CLASP1: variants seen among roughly 807,000 people sequenced by gnomAD.
CLASP1 encodes cytoplasmic linker associated protein 1.
In CLASP1, 38 loss-of-function variants were observed where a neutral mutation model predicts 192.3. The observed-to-expected ratio is 0.20, with a 90% CI of 0.15 to 0.26. The LOEUF is 0.26. CLASP1 is among the 10% of genes least tolerant of loss of function. The pLI, the probability that CLASP1 is intolerant of heterozygous loss-of-function variation, is 1.00. For missense variants in CLASP1, 1,433 were observed against 1,932.5 expected (o/e 0.74, Z 4.85); for synonymous variants, 691 against 712.8 (o/e 0.97, Z 0.49).
At chr2:121,643,162 G>A (rs1436412036) in intron 1 of CLASP1, among the ~76,000 whole-genome samples, 1 of 152,136 alleles carries the variant, frequency 6.6e-6, no homozygotes, top group Non-Finnish European at 1.5e-5. Flanking sequence ...TTCCCCAAAA[G>A]ATCAATCTTA....
At chr2:121,604,662 G>A (rs1031612471) in intron 2 of CLASP1, among the ~76,000 whole-genome samples, 4 of 151,898 alleles carry the variant, frequency 2.6e-5, no homozygotes, top group African/African-American at 9.7e-5. Context: ...AGCAAGACTC[G>A]GTCTAAAAAA....
At position 121,389,492 on chromosome 2, in the gene CLASP1, A is replaced by AG. The variant is rs572795470; in HGVS notation, c.3124-1587_3124-1586insC. Among the ~76,000 whole-genome samples, 316 of 152,222 alleles carry AG rather than the reference A, an allele frequency of 2.1e-3. 1 individual carries two copies. The highest frequency in any genetic ancestry group is 7.3e-3 in the African/African-American group (303 of 41,510). On this transcript the variant is annotated intron_variant, in intron 30 of 39. Coordinates refer to ENST00000263710, the Ensembl canonical transcript of CLASP1. ...CATTGTATTAGGTGTTAGAAAAAAA[A>AG]AAAACAATGCATGCAGAAAAATAAT...
At chr2:121,377,531 T>C (rs1450669600) in exon 34 of CLASP1, 14 of 1,605,100 alleles carry the variant, frequency 8.7e-6, no homozygotes, top group Middle Eastern at 1.6e-4. Context: ...TCTCGTTTAA[T>C]TGGCTCATTC....
chr2:121,631,158 CAAAAAAAAAAAA>C (rs869087192), intron 1 of CLASP1, among the ~76,000 whole-genome samples: 21 of 65,164 alleles, frequency 3.2e-4, no homozygotes, highest in African/African-American at 9.5e-4. Flanking sequence ...GACTCCAGCT[CAAAAAAAAAAAA>C]AAAAAAAAAA....
intron 2 of CLASP1, among the ~76,000 whole-genome samples, chr2:121,543,246 T>C (rs975585309): frequency 3.3e-5 from 5 of 152,070 alleles, no homozygotes; most frequent in African/African-American, 1.2e-4. Flanking sequence ...CTCTTAAAGC[T>C]CCAGTCACTT....
At chr2:121,560,647 C>T (rs2058994045) in intron 2 of CLASP1, among the ~76,000 whole-genome samples, 1 of 152,218 alleles carries the variant, frequency 6.6e-6, no homozygotes, top group Non-Finnish European at 1.5e-5. Context: ...AGGGGTATCA[C>T]ATCAGTACCA....
chr2:121,589,647 A>C (rs903846355), intron 2 of CLASP1, among the ~76,000 whole-genome samples: 9 of 151,002 alleles, frequency 6.0e-5, no homozygotes, highest in East Asian at 1.9e-4. Context: ...AAAAAAAAAA[A>C]ACACACTATT....
intron 37 of CLASP1, among the ~76,000 whole-genome samples, chr2:121,349,246 A>AAAAAG (rs571327467): frequency 2.2e-4 from 34 of 151,968 alleles, no homozygotes; most frequent in East Asian, 1.5e-3. Flanking sequence ...TCTCAAAAAA[A>AAAAAG]AAAAGAAAAG....
chr2:121,351,646 A>G (rs534490466), intron 37 of CLASP1, among the ~76,000 whole-genome samples: 2 of 152,294 alleles, frequency 1.3e-5, no homozygotes, highest in Non-Finnish European at 2.9e-5. Context: ...CACCACATCC[A>G]TCACCACGTA....
intron 37 of CLASP1, among the ~76,000 whole-genome samples, chr2:121,357,676 GCCA>G (rs1370826855): frequency 2.6e-5 from 4 of 152,156 alleles, no homozygotes; most frequent in African/African-American, 9.7e-5. Context: ...AGGAGCAGCC[GCCA>G]CCACAGCTGC....
chr2:121,400,912 T>A (rs1330751219), intron 28 of CLASP1, among the ~76,000 whole-genome samples: 1 of 152,222 alleles, frequency 6.6e-6, no homozygotes, highest in East Asian at 1.9e-4. Flanking sequence ...ACTTTCATAC[T>A]TGCATATTGA....
At chr2:121,606,783 C>T (rs1278061225) in intron 1 of CLASP1, among the ~76,000 whole-genome samples, 3 of 152,220 alleles carry the variant, frequency 2.0e-5, no homozygotes, top group Admixed American at 6.5e-5. Context: ...AGGAGGTGGG[C>T]GCAGTGGCTC....
chr2:121,553,800 T>C (rs2058263608), intron 2 of CLASP1, among the ~76,000 whole-genome samples: 1 of 152,218 alleles, frequency 6.6e-6, no homozygotes, highest in African/African-American at 2.4e-5. Context: ...TGCATAATTA[T>C]GAAATACTGT....
intron 1 of CLASP1, among the ~76,000 whole-genome samples, chr2:121,637,375 A>G (rs1419783838): frequency 6.6e-6 from 1 of 152,194 alleles, no homozygotes; most frequent in East Asian, 1.9e-4. Flanking sequence ...TTGGTCTTCA[A>G]CAAATGGTAC....
chr2:121,438,617 T>C (rs1397711876), intron 19 of CLASP1, among the ~76,000 whole-genome samples: 1 of 152,302 alleles, frequency 6.6e-6, no homozygotes, highest in Non-Finnish European at 1.5e-5. Context: ...GCTCTGTTTA[T>C]ATGCTGGATT....
intron 2 of CLASP1, among the ~76,000 whole-genome samples, chr2:121,604,287 C>T (rs901404994): frequency 1.7e-4 from 26 of 152,186 alleles, no homozygotes; most frequent in African/African-American, 6.3e-4. Context: ...CCATCCAGCA[C>T]CAATGCCAAA....
intron 2 of CLASP1, among the ~76,000 whole-genome samples, chr2:121,550,645 G>A (rs962617928): frequency 6.6e-6 from 1 of 152,132 alleles, no homozygotes; most frequent in Non-Finnish European, 1.5e-5. Flanking sequence ...GCCTGGAAGA[G>A]ATGAATTAAT....
chr2:121,493,397 A>G (rs2093400828), intron 8 of CLASP1, among the ~76,000 whole-genome samples: 1 of 152,212 alleles, frequency 6.6e-6, no homozygotes. Flanking sequence ...CACACTGGGG[A>G]AAGGACAGTC....
chr2:121,591,468 G>C (rs527638175), intron 2 of CLASP1, among the ~76,000 whole-genome samples: 1 of 152,154 alleles, frequency 6.6e-6, no homozygotes, highest in African/African-American at 2.4e-5. Context: ...CCACTGCTGC[G>C]GTGTGTGGGT....
Sources: allele counts gnomAD v4.1 joint callset (sites outside exome capture counted in the v4.1 genomes callset), GRCh38; gene constraint gnomAD v4.1.1; transcripts MANE v1.5; gene names NCBI Gene and HGNC (gene_info 2026-07-23, HGNC 2026-07-21).